The following CEBPZ variants were observed in gnomAD, a reference collection of about 807,000 sequenced individuals.
CEBPZ encodes CCAAT/enhancer-binding protein zeta.
CEBPZ carries 78 observed loss-of-function variants against 104.5 expected under a neutral mutation model. The observed-to-expected ratio is 0.75, with a 90% CI of 0.62 to 0.90. The LOEUF (loss-of-function observed/expected upper bound fraction) is 0.90. CEBPZ is among the 40% of genes least tolerant of loss of function. The pLI is 0.00. For missense variants in CEBPZ, 1,439 were observed against 1,233.5 expected (o/e 1.17, Z -2.50); for synonymous variants, 470 against 427.0 (o/e 1.10, Z -1.24).
intron 13 of CEBPZ, among the ~76,000 whole-genome samples, chr2:37,207,200 T>C (rs776040134): frequency 6.6e-6 from 1 of 152,152 alleles, no homozygotes; most frequent in Admixed American, 6.5e-5. Flanking sequence ...AACACAATAA[T>C]AGTGGGTGAC....
rs1266687314 is a variant in CEBPZ, at chr2:37,228,217, T to C, written c.976A>G (p.Arg326Gly). 3 of 1,614,110 alleles carry C rather than the reference T, an allele frequency of 1.9e-6. No individual in the cohort carries two copies. The Admixed American group carries it at 5.0e-5, about 27-fold the overall frequency. The change falls in exon 2 of 16, where the codon AGA becomes GGA. Residue 326 changes from arginine to glycine, a missense_variant. Physicochemically the swap from Arg to Gly is moderately radical, Grantham distance 125. Coordinates refer to ENST00000234170, the MANE Select transcript of CEBPZ (RefSeq NM_005760.3). ...TACCATAATATCAGTCTTCTATCTC[T>C]TGAGTCCTTGTTGCCACTGGACAAC... ...EQLSSGNKDS[R>G]DRRLILWYFE...
chr2:37,231,373 C>T, intron 1 of CEBPZ, 39 bp downstream of exon 1: 1 of 1,612,524 alleles, frequency 6.2e-7, no homozygotes, highest in South Asian at 1.1e-5. Context: ...TCGGAACTCT[C>T]CACGCCTGAT....
intron 6 of CEBPZ, among the ~76,000 whole-genome samples, chr2:37,216,776 T>G (rs1047481490): frequency 6.6e-6 from 1 of 152,214 alleles, no homozygotes; most frequent in African/African-American, 2.4e-5. Flanking sequence ...AATAACTGCG[T>G]GGCTTTCAAT....
At chr2:37,217,333 C>T (rs192833241) in intron 5 of CEBPZ, among the ~76,000 whole-genome samples, 4 of 151,914 alleles carry the variant, frequency 2.6e-5, no homozygotes, top group Admixed American at 1.3e-4. Flanking sequence ...CCCAGGAGGT[C>T]GAGGCTGCAG....
intron 5 of CEBPZ, among the ~76,000 whole-genome samples, chr2:37,218,329 A>C (rs962884844): frequency 3.3e-5 from 5 of 152,214 alleles, no homozygotes; most frequent in Admixed American, 3.3e-4. Context: ...ATATATAGCG[A>C]GTAGTATTAC....
At chr2:37,209,880 C>G (rs1005882852) in intron 13 of CEBPZ, 1 of 152,056 alleles carries the variant, frequency 6.6e-6, no homozygotes, top group African/African-American at 2.4e-5. Context: ...GTAAACTATG[C>G]ATCTGAGAAA....
chr2:37,202,179 C>A lies in CEBPZ; in HGVS notation c.3026-276G>T. 48 of 204,488 alleles carry A rather than the reference C, an allele frequency of 2.3e-4. No homozygotes were observed. In the Middle Eastern group the frequency reaches 5.2e-3, roughly 22 times the overall value. 12.7% of individuals were successfully genotyped at this position (204,488 alleles called of 1,614,324 possible). ...TTACTGGTGAAATAAAAACCAGTAA[C>A]AATCAATATGTAAAAACGGCCCACT... is the stretch of plus-strand genomic sequence containing the variant. On this transcript the variant is annotated intron_variant, in intron 15 of 15. Transcript: ENST00000234170.
At chr2:37,213,026 G>C (rs1333299495) in intron 10 of CEBPZ, among the ~76,000 whole-genome samples, 1 of 152,000 alleles carries the variant, frequency 6.6e-6, no homozygotes, top group African/African-American at 2.4e-5. Flanking sequence ...CAGCCTGGGA[G>C]ACAGAGAGAG....
chr2:37,209,785 CTTAA>C (rs1402049718), intron 13 of CEBPZ: 1 of 152,044 alleles, frequency 6.6e-6, no homozygotes, highest in East Asian at 1.9e-4. Flanking sequence ...ATAGATGGGA[CTTAA>C]TTAAGCTAAA....
Position 37,202,932 on chromosome 2 carries a change from A to C in CEBPZ, c.2943+18T>G. The C allele has an allele frequency of 6.3e-7, 1 of 1,595,778 alleles. No individual in the cohort carries two copies. Among genetic ancestry groups the C allele is most frequent in the Non-Finnish European group, 8.5e-7 (1 of 1,170,176 alleles). The stretch of plus-strand genomic sequence containing the variant: ...AATGTAGAATAGCTAGCTTGTTAAA[A>C]CAGTACATTAGCCTTACCTCTTCAG... On this transcript the variant is annotated intron_variant, in intron 14 of 15. Coordinates refer to ENST00000234170, the MANE Select transcript of CEBPZ (RefSeq NM_005760.3).
Position 37,217,007 on chromosome 2 carries a change from GGGCCACGGA to G in CEBPZ, c.2176_2184del (p.Ser726_Ala728del), listed in dbSNP as rs1357961676. 1.9e-6 allele frequency: 3 copies of G among 1,612,804 alleles called. No homozygotes were observed. Among genetic ancestry groups the G allele is most frequent in the Non-Finnish European group, 2.5e-6 (3 of 1,179,002 alleles). On this transcript the variant is annotated inframe_deletion, in exon 6 of 16. Coordinates refer to ENST00000234170, the MANE Select transcript of CEBPZ (RefSeq NM_005760.3). ...ACCTGAAGGATGGTCTTTGCAAAAA[GGGCCACGGA>G]GGGATGAAAATGCACAGATAACTAA...
intron 4 of CEBPZ, among the ~76,000 whole-genome samples, chr2:37,221,081 A>G (rs1467622793): frequency 2.0e-5 from 3 of 152,176 alleles, no homozygotes; most frequent in Non-Finnish European, 4.4e-5. Flanking sequence ...GCACTTTGGG[A>G]GGCCAAGGTG....
rs112498574 is a variant in CEBPZ, at chr2:37,228,888, A to G, written c.305T>C (p.Val102Ala). 3 of 1,608,734 alleles carry G rather than the reference A, an allele frequency of 1.9e-6. No homozygotes were observed. The South Asian group carries it at 3.4e-5, about 18-fold the overall frequency. Residue 102 changes from valine (V) to alanine (A), a missense_variant, in exon 2 of 16, where the codon GTT (valine) becomes GCT (alanine). Transcript: ENST00000234170. ...TTTTTCAGCTGGTTCATCTTCTTCA[A>G]CTAAGGAAGCTTTTGTATACTTCGC... Reference protein sequence around the residue: ...NLAKYTKASLVEEDEPAEKEN... With the variant: ...NLAKYTKASLAEEDEPAEKEN...
rs1293394165 is a variant in CEBPZ at position 37,222,459 on chromosome 2, T to C, written c.1986A>G (p.Thr662=). The C allele has an allele frequency of 1.2e-6, 2 of 1,611,506 alleles. No homozygotes were observed. The highest frequency in any genetic ancestry group is 2.7e-5 in the African/African-American group (2 of 74,814). The part of the protein sequence containing the change: ...KETEIVKKLE[T]EETVPETDVE... The stretch of plus-strand genomic sequence containing the variant: ...CATCAGTTTCAGGAACTGTTTCCTC[T>C]GTCTCAAGTTTTTTCACTATCTCTG... The change falls in exon 4 of 16, where the codon ACA becomes ACG. Residue 662 remains threonine, a synonymous_variant. Coordinates refer to ENST00000234170, the MANE Select transcript of CEBPZ (RefSeq NM_005760.3).
intron 5 of CEBPZ, 132 bp downstream of exon 5, chr2:37,220,253 G>T (rs888474713): frequency 1.2e-5 from 3 of 251,770 alleles, no homozygotes; most frequent in Admixed American, 5.6e-5. Flanking sequence ...GAAGGCGGAC[G>T]TTACAGTGAG....
At chr2:37,214,817 G>T in intron 9 of CEBPZ, 69 bp downstream of exon 9, 2 of 924,946 alleles carry the variant, frequency 2.2e-6, no homozygotes, top group Non-Finnish European at 3.5e-6. Flanking sequence ...ATAAAATGAA[G>T]CATTTTATGA....
chr2:37,230,977 T>C (rs977652714), intron 1 of CEBPZ, among the ~76,000 whole-genome samples: 1 of 152,240 alleles, frequency 6.6e-6, no homozygotes, highest in African/African-American at 2.4e-5. Context: ...GTTTGTTTAC[T>C]GTTTCTCTCC....
chr2:37,201,681 T>A lies in CEBPZ; in HGVS notation c.*83A>T, dbSNP rs76377091. On this transcript the variant is annotated 3_prime_UTR_variant, in exon 16 of 16. Coordinates refer to ENST00000234170, the MANE Select transcript of CEBPZ (RefSeq NM_005760.3). ...ACTGAGAAGTCTGGAATGTATGGAATCAGAGAGCTAGATCAAAAAACATGG... is the reference window on the plus strand; with the variant it reads ...ACTGAGAAGTCTGGAATGTATGGAAACAGAGAGCTAGATCAAAAAACATGG... 4 of 844,486 alleles carry A rather than the reference T, an allele frequency of 4.7e-6. No homozygotes were observed. In the South Asian group the frequency reaches 5.8e-5, roughly 12 times the overall value. 52.3% of individuals were successfully genotyped at this position (844,486 alleles called of 1,614,324 possible). A position where few individuals can be genotyped will look rare whatever the true frequency, so the allele number is the denominator to read the frequency against.
intron 2 of CEBPZ, among the ~76,000 whole-genome samples, chr2:37,226,936 T>C (rs1664899964): frequency 6.6e-6 from 1 of 152,104 alleles, no homozygotes; most frequent in Non-Finnish European, 1.5e-5. Flanking sequence ...CCCTGCACCC[T>C]GCATCCCCCA....
Sources: allele counts gnomAD v4.1 joint callset (sites outside exome capture counted in the v4.1 genomes callset), GRCh38; gene constraint gnomAD v4.1.1; transcripts MANE v1.5; gene names NCBI Gene and HGNC (gene_info 2026-07-23, HGNC 2026-07-21).